CEP128: variants seen among roughly 807,000 people sequenced by gnomAD.
CEP128 encodes the protein centrosomal protein 128, also known as centrosomal protein 128kDa.
CEP128 carries 132 observed loss-of-function variants against 156.7 expected under a neutral mutation model. The observed-to-expected ratio is 0.84, with a 90% CI of 0.73 to 0.97. The LOEUF (loss-of-function observed/expected upper bound fraction) is 0.97. Among genes scored for constraint, CEP128 ranks in the 50% least tolerant of loss-of-function variants. The pLI, the probability that CEP128 is intolerant of heterozygous loss-of-function variation, is 0.00. For synonymous variants in CEP128, 469 were observed against 448.9 expected (o/e 1.04, Z -0.57); for missense variants, 1,252 against 1,281.9 (o/e 0.98, Z 0.36).
intron 13 of CEP128, among the ~76,000 whole-genome samples, chr14:80,818,054 A>G (rs1271086202): frequency 6.6e-6 from 1 of 152,134 alleles, no homozygotes; most frequent in East Asian, 1.9e-4. Context: ...AGATATGTAA[A>G]GGTAAGAACA....
downstream of CEP128, among the ~76,000 whole-genome samples, chr14:80,489,267 T>TAAAAAAAAAAAAAAAAAAAAG (rs1887244810): frequency 9.3e-6 from 1 of 108,034 alleles, no homozygotes; most frequent in Non-Finnish European, 1.9e-5. Flanking sequence ...TTGTAAAAGC[T>TAAAAAAAAAAAAAAAAAAAAG]AAAAAAAAAA....
intron 23 of CEP128, chr14:80,514,655 T>C: frequency 2.5e-6 from 1 of 405,900 alleles, no homozygotes; most frequent in South Asian, 1.8e-5. Context: ...TGTGGTGCTA[T>C]TTAAACAGCT....
At chr14:80,486,422 G>A (rs999064308), downstream of CEP128, among the ~76,000 whole-genome samples, 4 of 152,060 alleles carry the variant, frequency 2.6e-5, no homozygotes, top group African/African-American at 9.7e-5. Flanking sequence ...CAGGGAGAAT[G>A]GAACCAAGTT....
At position 80,706,985 on chromosome 14, in the gene CEP128, T is replaced by C. The variant is rs549902122; in HGVS notation, c.2806+36090A>G. Among the ~76,000 whole-genome samples, 36 of 152,304 alleles carry C rather than the reference T, an allele frequency of 2.4e-4. No individual in the cohort carries two copies. The South Asian group carries it at 6.4e-3, about 27-fold the overall frequency. The stretch of plus-strand genomic sequence containing the variant: ...ATAACATCCATTTGGTACTTTTGCA[T>C]AACTTTTATTTCTTTGTTGAGATTA... On this transcript the variant is annotated intron_variant, in intron 19 of 24. Transcript: ENST00000555265.
chr14:80,858,195 G>C (rs28652269), intron 9 of CEP128, among the ~76,000 whole-genome samples: 9,297 of 147,766 alleles, frequency 0.063, 981 homozygotes, highest in African/African-American at 0.22. Flanking sequence ...TACCAAAACA[G>C]AGATATAGAT....
At chr14:80,722,030 T>G (rs1897837150) in intron 19 of CEP128, among the ~76,000 whole-genome samples, 1 of 152,188 alleles carries the variant, frequency 6.6e-6, no homozygotes, top group African/African-American at 2.4e-5. Context: ...ATATAAACAA[T>G]AAAACAAATA....
chr14:80,584,141 ATTTT>A (rs992004088), intron 19 of CEP128, among the ~76,000 whole-genome samples: 1 of 117,372 alleles, frequency 8.5e-6, no homozygotes. Flanking sequence ...CGTCCGTGAC[ATTTT>A]TTTTTTTTTT....
chr14:80,579,598 C>T (rs1408859100), intron 20 of CEP128, among the ~76,000 whole-genome samples: 1 of 152,162 alleles, frequency 6.6e-6, no homozygotes, highest in Non-Finnish European at 1.5e-5. Context: ...GCACTCAAAC[C>T]AGCTCATGAC....
At chr14:80,618,496 G>C (rs1893325291) in intron 19 of CEP128, among the ~76,000 whole-genome samples, 1 of 152,194 alleles carries the variant, frequency 6.6e-6, no homozygotes, top group Admixed American at 6.5e-5. Flanking sequence ...ATACATAGTT[G>C]AATTCACAAG....
chr14:80,676,046 T>C (rs187459029), intron 19 of CEP128, among the ~76,000 whole-genome samples: 2 of 152,236 alleles, frequency 1.3e-5, no homozygotes, highest in African/African-American at 4.8e-5. Context: ...AATCTACACA[T>C]TCCTAAATAT....
At chr14:80,658,167 T>C (rs185584030) in intron 19 of CEP128, among the ~76,000 whole-genome samples, 57 of 152,198 alleles carry the variant, frequency 3.7e-4, no homozygotes, top group Non-Finnish European at 8.8e-5. Context: ...AGTACAAGTT[T>C]TAAAAAGGTA....
chr14:80,813,436 T>C (rs1884674979), intron 13 of CEP128, among the ~76,000 whole-genome samples: 1 of 152,188 alleles, frequency 6.6e-6, no homozygotes, highest in African/African-American at 2.4e-5. Flanking sequence ...TTTTCAATTA[T>C]GATTCATGTT....
intron 2 of CEP128, among the ~76,000 whole-genome samples, chr14:80,935,887 CAT>C (rs757037042): frequency 6.8e-4 from 104 of 152,244 alleles, no homozygotes; most frequent in African/African-American, 2.4e-3. Context: ...CTAGAGTAAA[CAT>C]AGCTGTAATC....
intron 13 of CEP128, among the ~76,000 whole-genome samples, chr14:80,827,062 C>A (rs961502825): frequency 1.3e-5 from 2 of 151,802 alleles, no homozygotes; most frequent in African/African-American, 2.4e-5. Flanking sequence ...TTTTTAAGAG[C>A]CATTTTTACT....
In CEP128 at chr14:80,497,474, CT is replaced by C. The variant is rs1887539913; in HGVS notation, c.*4del. On this transcript the variant is annotated 3_prime_UTR_variant, in exon 25 of 25. Transcript: ENST00000555265. ...CATGTAAAATAACAAATTACATTTG[CT>C]TTTTTAGCTCCCATATTCCTCTTTT... The C allele has an allele frequency of 1.3e-6, 2 of 1,577,634 alleles. No homozygotes were observed. Among genetic ancestry groups the C allele is most frequent in the Admixed American group, 1.7e-5 (1 of 58,550 alleles).
chr14:80,691,300 T>C (rs1896711482), intron 19 of CEP128, among the ~76,000 whole-genome samples: 1 of 152,216 alleles, frequency 6.6e-6, no homozygotes, highest in Non-Finnish European at 1.5e-5. Flanking sequence ...AGAAGTCAAT[T>C]ATCCTTTTAG....
chr14:80,907,315 AC>A (rs1241174975), intron 4 of CEP128, among the ~76,000 whole-genome samples: 11 of 151,802 alleles, frequency 7.2e-5, no homozygotes, highest in Admixed American at 6.6e-4. Flanking sequence ...TCTCCTCCTT[AC>A]CTAAACTGGG....
At chr14:80,837,609 G>A (rs1480996032) in intron 11 of CEP128, among the ~76,000 whole-genome samples, 2 of 152,134 alleles carry the variant, frequency 1.3e-5, no homozygotes, top group African/African-American at 4.8e-5. Flanking sequence ...CCCAGCTACT[G>A]GGAGGCTGAG....
intron 19 of CEP128, among the ~76,000 whole-genome samples, chr14:80,729,058 G>GGGTGTGTGTGTGTGTGTGT (rs1898141728): frequency 4.8e-5 from 5 of 105,024 alleles, no homozygotes; most frequent in Admixed American, 2.0e-4. Context: ...GGCTGGTGGG[G>GGGTGTGTGTGTGTGTGTGT]GTGTGTGTGT....
Sources: allele counts gnomAD v4.1 joint callset (sites outside exome capture counted in the v4.1 genomes callset), GRCh38; gene constraint gnomAD v4.1.1; transcripts MANE v1.5; gene names NCBI Gene and HGNC (gene_info 2026-07-23, HGNC 2026-07-21).